HDAC9: variants seen among roughly 807,000 people sequenced by gnomAD.
HDAC9 encodes MEF-2 interacting transcription repressor (MITR) protein.
HDAC9 carries 41 observed loss-of-function variants against 139.4 expected under a neutral mutation model. That is an observed-to-expected ratio of 0.29 (90% CI 0.23 to 0.38). The LOEUF is 0.38. HDAC9 is among the 10% of genes least tolerant of loss of function. HDAC9 has a pLI of 1.00. For missense variants in HDAC9, 1,147 were observed against 1,297.0 expected (o/e 0.88, Z 1.78); for synonymous variants, 517 against 476.2 (o/e 1.09, Z -1.12).
At chr7:18,196,045 T>C (rs1404842586) in intron 2 of HDAC9, among the ~76,000 whole-genome samples, 1 of 152,196 alleles carries the variant, frequency 6.6e-6, no homozygotes, top group African/African-American at 2.4e-5. Context: ...TGTTTTAGCA[T>C]GCATTACATT....
chr7:18,955,400 T>A (rs1783080951), intron 24 of HDAC9, among the ~76,000 whole-genome samples: 1 of 152,152 alleles, frequency 6.6e-6, no homozygotes, highest in African/African-American at 2.4e-5. Flanking sequence ...CTTCTCTTCA[T>A]CCACATGCAA....
chr7:18,850,930 G>A (rs758997531), intron 21 of HDAC9, among the ~76,000 whole-genome samples: 2 of 152,130 alleles, frequency 1.3e-5, no homozygotes, highest in East Asian at 3.9e-4. Context: ...CGTTCTTGAG[G>A]GCTCTGCTCC....
chr7:18,154,598 G>A (rs1240092927), intron 1 of HDAC9, among the ~76,000 whole-genome samples: 3 of 152,166 alleles, frequency 2.0e-5, no homozygotes, highest in Non-Finnish European at 4.4e-5. Flanking sequence ...AAGCAACTGA[G>A]GCTCAGAGAG....
At position 18,732,106 on chromosome 7, in the gene HDAC9, C is replaced by T. The variant is rs186552706; in HGVS notation, c.1909+4349C>T. On this transcript the variant is annotated intron_variant, in intron 13 of 25. Transcript: ENST00000686413. Reference sequence around the variant, plus strand: ...AACTCCCAACCTCAGGTGATCCACCCGCCTTGGCCTCCCAAAGTGCTGGGA... The same window carrying T: ...AACTCCCAACCTCAGGTGATCCACCTGCCTTGGCCTCCCAAAGTGCTGGGA... Among the ~76,000 whole-genome samples the T allele has an allele frequency of 9.7e-4, 147 of 152,186 alleles. 1 individual carries two copies. Among genetic ancestry groups the T allele is most frequent in the African/African-American group, 3.5e-3 (145 of 41,524 alleles).
At chr7:18,593,744 C>G (rs1379578820) in intron 5 of HDAC9, among the ~76,000 whole-genome samples, 164 bp from the exon 6 acceptor site, 1 of 152,110 alleles carries the variant, frequency 6.6e-6, no homozygotes, top group East Asian at 1.9e-4. Context: ...CCATAGCATA[C>G]TGCTACAGTG....
At chr7:18,536,237 C>T (rs1810855456) in intron 2 of HDAC9, among the ~76,000 whole-genome samples, 1 of 152,048 alleles carries the variant, frequency 6.6e-6, no homozygotes, top group South Asian at 2.1e-4. Flanking sequence ...ACCAGAGGTC[C>T]CTGGAAGGAT....
At chr7:18,759,394 G>A (rs192075699) in intron 14 of HDAC9, among the ~76,000 whole-genome samples, 25 of 152,078 alleles carry the variant, frequency 1.6e-4, no homozygotes, top group African/African-American at 5.8e-4. Flanking sequence ...CCAGAGGAGC[G>A]CTAACCCTAT....
intron 2 of HDAC9, among the ~76,000 whole-genome samples, chr7:18,505,060 A>G (rs1243952865): frequency 2.0e-5 from 3 of 152,214 alleles, no homozygotes; most frequent in African/African-American, 4.8e-5. Context: ...TCTCAGTGCT[A>G]GATAATTAAA....
At chr7:18,773,828 C>G (rs1029860792) in intron 16 of HDAC9, among the ~76,000 whole-genome samples, 2 of 152,020 alleles carry the variant, frequency 1.3e-5, no homozygotes, top group African/African-American at 2.4e-5. Context: ...TGTCATATTT[C>G]CACTCCGAAT....
chr7:18,149,943 C>T (rs187311056), intron 1 of HDAC9, among the ~76,000 whole-genome samples: 26 of 152,172 alleles, frequency 1.7e-4, no homozygotes, highest in South Asian at 1.7e-3. Context: ...GTGATACTCC[C>T]GCCTCAGCCT....
At chr7:18,731,887 A>C (rs1181298586) in intron 13 of HDAC9, among the ~76,000 whole-genome samples, 1 of 152,138 alleles carries the variant, frequency 6.6e-6, no homozygotes, top group African/African-American at 2.4e-5. Context: ...CGGCCTCCCA[A>C]AGTGCTGGGA....
chr7:18,245,513 G>A (rs1015207059), intron 2 of HDAC9, among the ~76,000 whole-genome samples: 4 of 152,076 alleles, frequency 2.6e-5, no homozygotes, highest in South Asian at 2.1e-4. Context: ...GCATGAACCC[G>A]GACTTTGACC....
chr7:18,588,266 T>TA lies in HDAC9; in HGVS notation c.265-2064dup, dbSNP rs148830262. On this transcript the variant is annotated intron_variant, in intron 3 of 25. Coordinates refer to ENST00000686413, the MANE Select transcript of HDAC9 (RefSeq NM_178425.4). ...AATCAAGAGTTTTAGGCACCTAATGTAAAAAACAAAATTTACTAATTTCAT... is the reference window on the plus strand; with the variant it reads ...AATCAAGAGTTTTAGGCACCTAATGTAAAAAAACAAAATTTACTAATTTCAT... 6.9e-3 allele frequency among the ~76,000 whole-genome samples: 1,047 copies of TA among 152,252 alleles called. 11 individuals carry two copies. The highest frequency in any genetic ancestry group is 0.024 in the African/African-American group (1,004 of 41,546).
intron 1 of HDAC9, among the ~76,000 whole-genome samples, chr7:18,101,666 A>G (rs1782869655): frequency 6.6e-6 from 1 of 152,236 alleles, no homozygotes; most frequent in African/African-American, 2.4e-5. Context: ...TTATATTACA[A>G]GCATATTTTA....
At chr7:18,654,629 T>C (rs1340351788) in intron 11 of HDAC9, among the ~76,000 whole-genome samples, 1 of 152,168 alleles carries the variant, frequency 6.6e-6, no homozygotes, top group East Asian at 1.9e-4. Flanking sequence ...TACAGTCTTA[T>C]TTTATGACCA....
chr7:18,520,751 G>A (rs1413271318), intron 2 of HDAC9, among the ~76,000 whole-genome samples: 3 of 152,132 alleles, frequency 2.0e-5, no homozygotes, highest in South Asian at 2.1e-4. Flanking sequence ...AGTACAACTA[G>A]CCTAGAGCCT....
At chr7:18,476,987 C>T (rs968084146) in intron 1 of HDAC9, among the ~76,000 whole-genome samples, 1 of 152,100 alleles carries the variant, frequency 6.6e-6, no homozygotes, top group Non-Finnish European at 1.5e-5. Context: ...AAACATTCTG[C>T]TCCTAAGAAA....
At chr7:18,199,168 A>G (rs1790928333) in intron 2 of HDAC9, among the ~76,000 whole-genome samples, 1 of 152,178 alleles carries the variant, frequency 6.6e-6, no homozygotes, top group Non-Finnish European at 1.5e-5. Flanking sequence ...TTCTTGGGGA[A>G]TAGTGTCACA....
intron 1 of HDAC9, among the ~76,000 whole-genome samples, chr7:18,115,875 T>G (rs541175223): frequency 3.3e-5 from 5 of 152,364 alleles, no homozygotes; most frequent in Admixed American, 1.3e-4. Flanking sequence ...TGTCTCAATT[T>G]TTTGCAGCTT....
Sources: gnomAD v4.1 joint callset for allele counts (sites outside exome capture counted in the v4.1 genomes callset) on GRCh38, gnomAD v4.1.1 for gene constraint, MANE v1.5 for transcripts, NCBI Gene and HGNC (gene_info 2026-07-23, HGNC 2026-07-21) for gene names.